Variants in BANK1 observed in about 807,000 individuals in gnomAD.
The protein encoded by BANK1 is B cell scaffold protein with ankyrin repeats 1, also known as B-cell scaffold protein with ankyrin repeats.
A neutral mutation model predicts 94.5 loss-of-function variants in BANK1; 95 were observed. The observed-to-expected ratio is 1.00, with a 90% CI of 0.85 to 1.19. The LOEUF is 1.19. Among genes scored for constraint, BANK1 ranks in the 50% most tolerant of loss-of-function variants. The pLI, the probability that BANK1 is intolerant of heterozygous loss-of-function variation, is 0.00. For synonymous variants in BANK1, 334 were observed against 308.4 expected, an observed-to-expected ratio of 1.08 and a Z score of -0.87; for missense variants, 987 against 932.2, an observed-to-expected ratio of 1.06 and a Z score of -0.77.
chr4:101,875,249 A>G (rs980064606), intron 5 of BANK1, among the ~76,000 whole-genome samples: 1 of 152,270 alleles, frequency 6.6e-6, no homozygotes, highest in Admixed American at 6.5e-5. Context: ...GAGCACAGCA[A>G]TTATGAGGCA....
At chr4:102,038,161 A>G (rs1227219928) in intron 10 of BANK1, among the ~76,000 whole-genome samples, 1 of 152,138 alleles carries the variant, frequency 6.6e-6, no homozygotes, top group East Asian at 1.9e-4. Context: ...TGATCTTTAA[A>G]TTTAAGGGAG....
intron 3 of BANK1, among the ~76,000 whole-genome samples, chr4:101,859,839 C>A (rs571381388): frequency 6.6e-6 from 1 of 152,150 alleles, no homozygotes; most frequent in Non-Finnish European, 1.5e-5. Context: ...AAAATAAAAA[C>A]ACCCTTAGGA....
intron 7 of BANK1, among the ~76,000 whole-genome samples, chr4:101,967,603 CT>C (rs1045561164): frequency 1.3e-5 from 2 of 151,734 alleles, no homozygotes; most frequent in East Asian, 1.9e-4. Flanking sequence ...AACTTTGTCG[CT>C]TTTTTTTACT....
chr4:101,992,987 C>T (rs1725758150), intron 7 of BANK1, among the ~76,000 whole-genome samples: 1 of 152,112 alleles, frequency 6.6e-6, no homozygotes, highest in South Asian at 2.1e-4. Flanking sequence ...TACAGTCGTC[C>T]TAAATGTGTA....
At chr4:101,877,961 CA>C (rs1354417805) in intron 5 of BANK1, among the ~76,000 whole-genome samples, 3 of 151,748 alleles carry the variant, frequency 2.0e-5, no homozygotes, top group Admixed American at 6.6e-5. Context: ...GCACACAAAA[CA>C]AATACAAAAC....
At chr4:101,948,947 T>C (rs1229218701) in intron 7 of BANK1, among the ~76,000 whole-genome samples, 2 of 152,120 alleles carry the variant, frequency 1.3e-5, no homozygotes, top group African/African-American at 4.8e-5. Flanking sequence ...AATTTTTATT[T>C]TTATGAATTT....
intron 7 of BANK1, 73 bp downstream of exon 7, chr4:101,918,262 A>T (rs1722894047): frequency 9.5e-7 from 1 of 1,052,566 alleles, no homozygotes; most frequent in Middle Eastern, 2.8e-4. Flanking sequence ...AGAAGAAAAA[A>T]CCTATTACCT....
intron 11 of BANK1, among the ~76,000 whole-genome samples, chr4:102,056,672 G>A (rs1490257920): frequency 6.6e-6 from 1 of 151,802 alleles, no homozygotes; most frequent in Non-Finnish European, 1.5e-5. Flanking sequence ...TCTAAGTGGT[G>A]GAGAAAAAAA....
intron 7 of BANK1, among the ~76,000 whole-genome samples, chr4:101,922,086 TCTGA>T (rs1560634355): frequency 1.3e-5 from 2 of 151,146 alleles, no homozygotes; most frequent in Non-Finnish European, 1.5e-5. Context: ...CCCTCCAGTA[TCTGA>T]CTGACAGGCC....
At chr4:101,911,817 A>G (rs1722674025) in intron 6 of BANK1, among the ~76,000 whole-genome samples, 1 of 152,180 alleles carries the variant, frequency 6.6e-6, no homozygotes, top group Non-Finnish European at 1.5e-5. Flanking sequence ...AATATGCTGC[A>G]CTGAACTGTC....
chr4:101,823,242 G>A (rs888923944), intron 1 of BANK1, among the ~76,000 whole-genome samples: 1 of 152,048 alleles, frequency 6.6e-6, no homozygotes, highest in Non-Finnish European at 1.5e-5. Flanking sequence ...TGATATCTAT[G>A]ACTTGATAAA....
chr4:102,047,374 C>T (rs1727910420), intron 11 of BANK1, among the ~76,000 whole-genome samples: 1 of 152,038 alleles, frequency 6.6e-6, no homozygotes, highest in South Asian at 2.1e-4. Flanking sequence ...ATGCAAAAAA[C>T]TCTTTATTTG....
chr4:101,916,388 T>C (rs1722829679), intron 6 of BANK1, among the ~76,000 whole-genome samples: 1 of 152,158 alleles, frequency 6.6e-6, no homozygotes, highest in Non-Finnish European at 1.5e-5. Flanking sequence ...TAATGATTTA[T>C]GAGAACAAAT....
intron 6 of BANK1, among the ~76,000 whole-genome samples, chr4:101,904,260 C>G (rs1185831847): frequency 6.6e-6 from 1 of 152,128 alleles, no homozygotes; most frequent in Non-Finnish European, 1.5e-5. Context: ...TGTAATGCTC[C>G]CATAGGTTGT....
At chr4:101,852,855 A>G (rs2148873242) in intron 2 of BANK1, among the ~76,000 whole-genome samples, 1 of 152,236 alleles carries the variant, frequency 6.6e-6, no homozygotes, top group East Asian at 1.9e-4. Context: ...GGGTAAATAA[A>G]ATAACTTTTT....
intron 1 of BANK1, among the ~76,000 whole-genome samples, chr4:101,803,154 G>A (rs182965781): frequency 3.5e-3 from 530 of 152,268 alleles, no homozygotes; most frequent in Non-Finnish European, 4.8e-3. Flanking sequence ...GAACAAATTT[G>A]TCATCTCTAT....
chr4:102,070,636 T>G (rs1371945860), intron 13 of BANK1, among the ~76,000 whole-genome samples: 4 of 152,186 alleles, frequency 2.6e-5, no homozygotes, highest in African/African-American at 9.7e-5. Flanking sequence ...ATTATCATTT[T>G]TAGAAAGGCA....
At chr4:101,839,866 C>G (rs1355908097) in intron 2 of BANK1, among the ~76,000 whole-genome samples, 1 of 131,190 alleles carries the variant, frequency 7.6e-6, no homozygotes, top group South Asian at 2.7e-4. Flanking sequence ...GAAACTAAGA[C>G]AAAGGAGATA....
intron 7 of BANK1, among the ~76,000 whole-genome samples, chr4:102,000,433 A>G (rs1726024159): frequency 6.6e-6 from 1 of 152,134 alleles, no homozygotes; most frequent in Non-Finnish European, 1.5e-5. Flanking sequence ...GCAAGCCAAG[A>G]CATATGACTA....
Sources: allele counts gnomAD v4.1 joint callset (sites outside exome capture counted in the v4.1 genomes callset), GRCh38; gene constraint gnomAD v4.1.1; transcripts MANE v1.5; gene names NCBI Gene and HGNC (gene_info 2026-07-23, HGNC 2026-07-21).